Variants in SORCS2 observed in about 807,000 individuals in gnomAD.
SORCS2 encodes VPS10 domain-containing receptor SorCS2.
SORCS2 carries 100 observed loss-of-function variants against 141.6 expected under a neutral mutation model. The ratio of observed to expected loss-of-function variants is 0.71; its 90% CI spans 0.60 to 0.83. The LOEUF (loss-of-function observed/expected upper bound fraction) is 0.83, where lower values mean the gene tolerates loss of function less well. Ranked by LOEUF, SORCS2 falls within the 40% of genes least tolerant of loss-of-function variation. The probability of loss-of-function intolerance (pLI) is 0.00; values close to 1 mark genes in which losing one functional copy is unlikely to be tolerated. For synonymous variants in SORCS2, 789 were observed against 676.9 expected (o/e 1.17, Z -2.57); for missense variants, 1,646 against 1,560.2 (o/e 1.05, Z -0.93).
rs981164643 is a variant in SORCS2 at position 7,664,306 on chromosome 4, G to T, written c.953-47G>T. 43 of 1,521,832 alleles carry T rather than the reference G, an allele frequency of 2.8e-5. No individual in the cohort carries two copies. The highest frequency in any genetic ancestry group is 1.8e-4 in the Middle Eastern group (1 of 5,572). The allele number at this position is 1,521,832 out of a possible 1,614,324, so 94.3% of individuals were successfully genotyped here. ...CAGCACATGTCTCGGGCCGTCTCTG[G>T]CTCCGGCTGGAGTCTGACCGCCTGG... On this transcript the variant is annotated intron_variant, in intron 6 of 26. Coordinates refer to ENST00000507866, the MANE Select transcript of SORCS2 (RefSeq NM_020777.3). This position sits in a 1 kb window ranked among gnomAD's most constrained non-coding sequence, Gnocchi z 4.7.
intron 2 of SORCS2, among the ~76,000 whole-genome samples, chr4:7,528,331 G>A (rs1170741595): frequency 2.6e-5 from 4 of 152,208 alleles, no homozygotes; most frequent in East Asian, 3.9e-4. Context: ...CTTGGGAGTC[G>A]TGGATATCTG....
At chr4:7,471,176 C>T (rs923031050) in intron 2 of SORCS2, among the ~76,000 whole-genome samples, 4 of 152,210 alleles carry the variant, frequency 2.6e-5, no homozygotes, top group Admixed American at 1.3e-4. Context: ...TTGCACCCGC[C>T]CGCTATCGGG....
At chr4:7,693,388 C>G (rs1171494497) in intron 11 of SORCS2, among the ~76,000 whole-genome samples, 1 of 152,226 alleles carries the variant, frequency 6.6e-6, no homozygotes, top group African/African-American at 2.4e-5. Context: ...AGGCTGCTCT[C>G]CATGCCCAGG....
At chr4:7,391,940 G>A (rs1207266278) in intron 1 of SORCS2, among the ~76,000 whole-genome samples, 2 of 152,212 alleles carry the variant, frequency 1.3e-5, no homozygotes, top group African/African-American at 2.4e-5. Flanking sequence ...GGCTGGAGGA[G>A]CGTTGAAACT....
rs552822405 is a variant in SORCS2 at position 7,416,131 on chromosome 4, C to T, written c.548+19776C>T. Among the ~76,000 whole-genome samples the T allele has an allele frequency of 8.2e-4, 125 of 152,176 alleles. 1 individual carries two copies. Among genetic ancestry groups the T allele is most frequent in the African/African-American group, 2.8e-3 (118 of 41,518 alleles). ...GTTGGATTAAGGAGGCCTCATGTGCCGGCCGGAGGGGCCTGGACTCTGTTC... is the reference window on the plus strand; with the variant it reads ...GTTGGATTAAGGAGGCCTCATGTGCTGGCCGGAGGGGCCTGGACTCTGTTC... On this transcript the variant is annotated intron_variant, in intron 2 of 26. Transcript: ENST00000507866.
intron 18 of SORCS2, among the ~76,000 whole-genome samples, chr4:7,719,840 A>AC (rs1219007848): frequency 6.6e-6 from 1 of 151,992 alleles, no homozygotes; most frequent in Non-Finnish European, 1.5e-5. Context: ...GGGGGCCGGG[A>AC]CCCTTGCTGG....
chr4:7,704,050 T>C, intron 13 of SORCS2, 127 bp from the exon 14 acceptor site: 1 of 732,132 alleles, frequency 1.4e-6, no homozygotes, highest in Non-Finnish European at 2.5e-6. Context: ...GCAGATGTGG[T>C]ATCACCTGCA....
At chr4:7,461,924 G>A (rs968017098) in intron 2 of SORCS2, among the ~76,000 whole-genome samples, 3 of 152,098 alleles carry the variant, frequency 2.0e-5, no homozygotes, top group Non-Finnish European at 4.4e-5. Context: ...CAGTGCCTCT[G>A]CTGTCCTGCA....
intron 1 of SORCS2, among the ~76,000 whole-genome samples, chr4:7,275,746 G>C (rs2108849769): frequency 6.6e-6 from 1 of 152,286 alleles, no homozygotes; most frequent in East Asian, 1.9e-4. Flanking sequence ...AACAGTCTGA[G>C]TAAGGAATGG....
chr4:7,709,973 C>T (rs1028392343), intron 14 of SORCS2, among the ~76,000 whole-genome samples: 2 of 152,178 alleles, frequency 1.3e-5, no homozygotes, highest in African/African-American at 2.4e-5. Context: ...TAGACCCCTT[C>T]GGCACCTCTT....
intron 1 of SORCS2, among the ~76,000 whole-genome samples, chr4:7,359,690 A>G (rs1248267577): frequency 6.6e-6 from 1 of 152,204 alleles, no homozygotes; most frequent in East Asian, 1.9e-4. Flanking sequence ...GTGAGAGTGA[A>G]TTTATTTTTC....
chr4:7,725,078 C>T (rs978910363), intron 19 of SORCS2, 76 bp from the exon 20 acceptor site: 4 of 1,496,628 alleles, frequency 2.7e-6, no homozygotes, highest in South Asian at 1.3e-5. Flanking sequence ...TTGCTGGTGA[C>T]AGTGATCACT....
At chr4:7,632,826 G>C (rs1158511640) in intron 3 of SORCS2, among the ~76,000 whole-genome samples, 2 of 152,102 alleles carry the variant, frequency 1.3e-5, no homozygotes, top group Non-Finnish European at 2.9e-5. Flanking sequence ...GAGGACCCTA[G>C]GGCCACCAGG....
chr4:7,446,259 A>C (rs992868323), intron 2 of SORCS2, among the ~76,000 whole-genome samples: 4 of 151,988 alleles, frequency 2.6e-5, no homozygotes, highest in Non-Finnish European at 5.9e-5. Flanking sequence ...TCGCACAGTG[A>C]GTTGGAGGGA....
chr4:7,724,594 G>GTGGTGGTGA (rs1553808510), intron 19 of SORCS2, among the ~76,000 whole-genome samples: 1 of 80,630 alleles, frequency 1.2e-5, no homozygotes, highest in Non-Finnish European at 2.4e-5. Flanking sequence ...GGTGGTGTTG[G>GTGGTGGTGA]TGATGGTGGT....
At chr4:7,281,236 C>G (rs1007575043) in intron 1 of SORCS2, among the ~76,000 whole-genome samples, 1 of 151,948 alleles carries the variant, frequency 6.6e-6, no homozygotes, top group East Asian at 1.9e-4. Flanking sequence ...CAGCCGTGTT[C>G]TTGAGAAGAG....
At chr4:7,263,057 G>A (rs1284913376) in intron 1 of SORCS2, among the ~76,000 whole-genome samples, 1 of 152,136 alleles carries the variant, frequency 6.6e-6, no homozygotes, top group African/African-American at 2.4e-5. Flanking sequence ...GAAAGAACAG[G>A]GGCTTTGGAA....
At chr4:7,542,973 A>G (rs1457986517) in intron 3 of SORCS2, among the ~76,000 whole-genome samples, 1 of 152,166 alleles carries the variant, frequency 6.6e-6, no homozygotes, top group Non-Finnish European at 1.5e-5. Flanking sequence ...GGGCCAGGCC[A>G]TTTGCAGGAG....
Position 7,723,620 on chromosome 4 carries a change from T to C in SORCS2, c.2425-77T>C, listed in dbSNP as rs2148875039. On this transcript the variant is annotated intron_variant, in intron 18 of 26. Coordinates refer to ENST00000507866, the MANE Select transcript of SORCS2 (RefSeq NM_020777.3). ...GGCAATGAATGAATGAGTGAGTGAG[T>C]GAGTGAGTGAATGAACCACTCTGGC... 6 of 1,483,070 alleles carry C rather than the reference T, an allele frequency of 4.0e-6. No individual in the cohort carries two copies. In the South Asian group the frequency reaches 5.7e-5, roughly 14 times the overall value. 91.9% of individuals were successfully genotyped at this position (1,483,070 alleles called of 1,614,324 possible).
Sources: allele counts gnomAD v4.1 joint callset (sites outside exome capture counted in the v4.1 genomes callset), GRCh38; gene constraint gnomAD v4.1.1; non-coding constraint Gnocchi (gnomAD v3.1); transcripts MANE v1.5; gene names NCBI Gene and HGNC (gene_info 2026-07-23, HGNC 2026-07-21).